The following GALNT18 variants were observed in gnomAD, a reference collection of about 807,000 sequenced individuals.
GALNT18 encodes GalNAc-transferase 18.
Under a neutral mutation model 69.5 loss-of-function variants are expected in GALNT18, and 44 were observed. The ratio of observed to expected loss-of-function variants is 0.63; its 90% CI spans 0.50 to 0.81. The LOEUF (loss-of-function observed/expected upper bound fraction) is 0.81. GALNT18 is among the 40% of genes least tolerant of loss of function. The probability of loss-of-function intolerance (pLI) is 0.00; values close to 1 mark genes in which losing one functional copy is unlikely to be tolerated. For synonymous variants in GALNT18, 364 were observed against 318.2 expected (o/e 1.14, Z -1.53); for missense variants, 715 against 810.0 (o/e 0.88, Z 1.42).
In GALNT18 at chr11:11,314,444, CAGA is replaced by C. The variant is rs1849718629; in HGVS notation, c.1512+12639_1512+12641del. 1.3e-5 allele frequency among the ~76,000 whole-genome samples: 2 copies of C among 151,650 alleles called. No individual in the cohort carries two copies. The highest frequency in any genetic ancestry group is 2.9e-5 in the Non-Finnish European group (2 of 67,980). On this transcript the variant is annotated intron_variant, in intron 9 of 10. Coordinates refer to ENST00000227756, the MANE Select transcript of GALNT18 (RefSeq NM_198516.3). This position sits in a 1 kb window ranked among gnomAD's most constrained non-coding sequence, Gnocchi z 5.2. ...CCAGAGTTCACCATCACTTGGTGCA[CAGA>C]AGGTTAACACTGCAGCACTAACATC...
At chr11:11,506,503 C>T (rs1403097773) in intron 1 of GALNT18, among the ~76,000 whole-genome samples, 1 of 152,168 alleles carries the variant, frequency 6.6e-6, no homozygotes, top group African/African-American at 2.4e-5. Context: ...GTGTGCAGGG[C>T]GACTTCCCAG....
At chr11:11,305,138 C>T (rs572294371) in intron 9 of GALNT18, among the ~76,000 whole-genome samples, 6 of 151,794 alleles carry the variant, frequency 4.0e-5, no homozygotes, top group African/African-American at 4.8e-5. Flanking sequence ...AACGAAGAGA[C>T]GGTTGGTGAA....
rs1158290164 is a variant in GALNT18 at position 11,620,351 on chromosome 11, A to ATGTGTGTGTGTG, written c.235+1007_235+1008insCACACACACACA. 2.0e-5 allele frequency among the ~76,000 whole-genome samples: 3 copies of ATGTGTGTGTGTG among 151,224 alleles called. No individual in the cohort carries two copies. Among genetic ancestry groups the ATGTGTGTGTGTG allele is most frequent in the African/African-American group, 7.3e-5 (3 of 40,942 alleles). ...CGCGCGCGTGTGTGTGTGTGTGTGC[A>ATGTGTGTGTGTG]CACCCGGCACCAGTGCTCCTGGCGC... is the stretch of plus-strand genomic sequence containing the variant. On this transcript the variant is annotated intron_variant, in intron 1 of 10. Coordinates refer to ENST00000227756, the MANE Select transcript of GALNT18 (RefSeq NM_198516.3). This position sits in a 1 kb window ranked among gnomAD's most constrained non-coding sequence, Gnocchi z 6.9.
At chr11:11,352,989 T>A (rs1396091839) in intron 6 of GALNT18, 1 of 1,614,084 alleles carries the variant, frequency 6.2e-7, no homozygotes, top group Admixed American at 1.7e-5. Context: ...TCGGCCTAAT[T>A]TTCGAACCAG....
rs1850035006 is a variant in GALNT18 at position 11,332,579 on chromosome 11, C to T, written c.1416+115G>A. ...CAGAACCCAGCGCCCGGTCCCCAGG[C>T]CTACTGCAGTTCTTCATGTGAGCAG... On this transcript the variant is annotated intron_variant, in intron 8 of 10. Coordinates refer to ENST00000227756, the MANE Select transcript of GALNT18 (RefSeq NM_198516.3). This position sits in a 1 kb window ranked among gnomAD's most constrained non-coding sequence, Gnocchi z 4.3. 1.6e-6 allele frequency: 2 copies of T among 1,214,598 alleles called. No homozygotes were observed. The highest frequency in any genetic ancestry group is 4.0e-5 in the Admixed American group (2 of 50,374). The allele number at this position is 1,214,598 out of a possible 1,614,324, so 75.2% of individuals were successfully genotyped here.
At chr11:11,518,702 C>G (rs1249353484) in intron 1 of GALNT18, among the ~76,000 whole-genome samples, 2 of 152,220 alleles carry the variant, frequency 1.3e-5, no homozygotes. Flanking sequence ...TGGTCTCTGG[C>G]TTTTCATTAA....
rs777830967 is a variant in GALNT18 at position 11,327,164 on chromosome 11, C to T, written c.1434G>A (p.Lys478=). Residue 478 remains lysine (K), a synonymous_variant, in exon 9 of 11, where the codon AAG becomes AAA. Coordinates refer to ENST00000227756, the MANE Select transcript of GALNT18 (RefSeq NM_198516.3). Reference sequence around the variant, plus strand: ...GCCCCTGGTCAAGACACAAATCAGTCTTCAGAGAATTCTGCAGCTGAACAT... The same window carrying T: ...GCCCCTGGTCAAGACACAAATCAGTTTTCAGAGAATTCTGCAGCTGAACAT... ...IAYGVLQNSL[K]TDLCLDQGPD... 1.9e-6 allele frequency: 3 copies of T among 1,613,856 alleles called. No homozygotes were observed. The highest frequency in any genetic ancestry group is 1.1e-5 in the South Asian group (1 of 91,072).
At chr11:11,588,535 A>G (rs2133922845) in intron 1 of GALNT18, among the ~76,000 whole-genome samples, 2 of 152,312 alleles carry the variant, frequency 1.3e-5, no homozygotes, top group African/African-American at 4.8e-5. Flanking sequence ...TGGGCTCCAC[A>G]GTATCCTTTT....
intron 9 of GALNT18, among the ~76,000 whole-genome samples, chr11:11,304,473 G>T (rs1849545650): frequency 6.6e-6 from 1 of 152,166 alleles, no homozygotes; most frequent in Non-Finnish European, 1.5e-5. Flanking sequence ...AGCTGTGTCT[G>T]CTTGTCTGCT....
intron 1 of GALNT18, among the ~76,000 whole-genome samples, chr11:11,488,004 G>T (rs1404703972): frequency 6.6e-6 from 1 of 152,220 alleles, no homozygotes; most frequent in Non-Finnish European, 1.5e-5. Context: ...ATGAACAGCT[G>T]GGTATGGGTC....
At chr11:11,588,739 C>T (rs1859283626) in intron 1 of GALNT18, among the ~76,000 whole-genome samples, 1 of 152,190 alleles carries the variant, frequency 6.6e-6, no homozygotes, top group African/African-American at 2.4e-5. Flanking sequence ...ATCTCAAACG[C>T]CAGCTCCTGC....
intron 2 of GALNT18, among the ~76,000 whole-genome samples, chr11:11,438,841 A>C (rs1855469503): frequency 6.6e-6 from 1 of 152,122 alleles, no homozygotes; most frequent in Non-Finnish European, 1.5e-5. Flanking sequence ...TACGATCAAC[A>C]CTACTGAGTC....
At chr11:11,290,658 A>AATGT (rs1849280736) in intron 10 of GALNT18, among the ~76,000 whole-genome samples, 2 of 152,196 alleles carry the variant, frequency 1.3e-5, no homozygotes, top group African/African-American at 4.8e-5. Flanking sequence ...CCAGGTTCTT[A>AATGT]ACATTCATTC....
At position 11,564,611 on chromosome 11, in the gene GALNT18, A is replaced by C. The variant is rs1024460754; in HGVS notation, c.235+56748T>G. On this transcript the variant is annotated intron_variant, in intron 1 of 10. Transcript: ENST00000227756. This position sits in a 1 kb window ranked among gnomAD's most constrained non-coding sequence, Gnocchi z 4.3. Reference sequence around the variant, plus strand: ...ACGGTGGCAATGCAGGCAGCCCCCAATTCCAGAACAAATTGGTAGCTAATG... The same window carrying C: ...ACGGTGGCAATGCAGGCAGCCCCCACTTCCAGAACAAATTGGTAGCTAATG... Among the ~76,000 whole-genome samples the C allele has an allele frequency of 2.6e-5, 4 of 152,172 alleles. No individual in the cohort carries two copies. Among genetic ancestry groups the C allele is most frequent in the Non-Finnish European group, 5.9e-5 (4 of 68,038 alleles).
chr11:11,388,301 A>G (rs937684894), intron 3 of GALNT18, among the ~76,000 whole-genome samples: 6 of 152,174 alleles, frequency 3.9e-5, no homozygotes, highest in African/African-American at 1.2e-4. Context: ...CAAAACCCAC[A>G]AACACCTTCT....
At chr11:11,330,459 T>C (rs1849998647) in intron 8 of GALNT18, among the ~76,000 whole-genome samples, 2 of 152,162 alleles carry the variant, frequency 1.3e-5, no homozygotes, top group Non-Finnish European at 2.9e-5. Flanking sequence ...AGCAGACGTG[T>C]CTCTGCTTAT....
Position 11,591,784 on chromosome 11 carries a change from A to T in GALNT18, c.235+29575T>A, listed in dbSNP as rs567828820. ...ATACCCTTTGAAGGGACAAAAATAC[A>T]CACATTATCAGATTTGGGTCCTGAG... On this transcript the variant is annotated intron_variant, in intron 1 of 10. Coordinates refer to ENST00000227756, the MANE Select transcript of GALNT18 (RefSeq NM_198516.3). The surrounding 1 kb of genome is among the most constrained non-coding windows in gnomAD (Gnocchi z 4.8). Among the ~76,000 whole-genome samples, 1 of 152,166 alleles carries T rather than the reference A, an allele frequency of 6.6e-6. No individual in the cohort carries two copies. Among genetic ancestry groups the T allele is most frequent in the African/African-American group, 2.4e-5 (1 of 41,422 alleles).
intron 1 of GALNT18, among the ~76,000 whole-genome samples, chr11:11,489,874 G>A (rs1160801078): frequency 6.6e-6 from 1 of 152,178 alleles, no homozygotes; most frequent in African/African-American, 2.4e-5. Context: ...AGGTCACAGA[G>A]CCAACGGTGG....
chr11:11,360,510 A>G (rs976084614), intron 6 of GALNT18, among the ~76,000 whole-genome samples: 4 of 152,232 alleles, frequency 2.6e-5, no homozygotes, highest in Non-Finnish European at 4.4e-5. Flanking sequence ...ATTTCCGTCT[A>G]TACTAATTTT....
Sources: gnomAD v4.1 joint callset for allele counts (sites outside exome capture counted in the v4.1 genomes callset) on GRCh38, gnomAD v4.1.1 for gene constraint, Gnocchi (gnomAD v3.1) non-coding constraint, MANE v1.5 for transcripts, NCBI Gene and HGNC (gene_info 2026-07-23, HGNC 2026-07-21) for gene names.